Variants in TBC1D5 observed in about 807,000 individuals in gnomAD.
TBC1D5 encodes TBC1 domain family, member 5.
TBC1D5 carries 75 observed loss-of-function variants against 100.3 expected under a neutral mutation model. The ratio of observed to expected loss-of-function variants is 0.75; its 90% CI spans 0.62 to 0.91. The LOEUF (loss-of-function observed/expected upper bound fraction) is 0.91. Among genes scored for constraint, TBC1D5 ranks in the 40% least tolerant of loss-of-function variants. The probability of loss-of-function intolerance (pLI) is 0.00; values close to 1 mark genes in which losing one functional copy is unlikely to be tolerated. For missense variants in TBC1D5, 910 were observed against 942.4 expected (o/e 0.97, Z 0.45); for synonymous variants, 323 against 325.6 (o/e 0.99, Z 0.09).
At chr3:17,634,494 G>C (rs1201835984) in intron 1 of TBC1D5, among the ~76,000 whole-genome samples, 1 of 152,066 alleles carries the variant, frequency 6.6e-6, no homozygotes, top group Non-Finnish European at 1.5e-5. Context: ...AATATCACAT[G>C]TTCTCACTTA....
exon 13 of TBC1D5, chr3:17,372,230 C>A (rs753134504): frequency 6.2e-7 from 1 of 1,608,824 alleles, no homozygotes; most frequent in Non-Finnish European, 8.5e-7. Context: ...GAATGGGAGT[C>A]ATCAGTGTTT....
In TBC1D5 at chr3:17,345,476, G is replaced by T. The variant is rs535370734; in HGVS notation, c.995+26599C>A. 2.3e-3 allele frequency among the ~76,000 whole-genome samples: 345 copies of T among 151,988 alleles called. 1 individual carries two copies. Among genetic ancestry groups the T allele is most frequent in the African/African-American group, 6.8e-3 (280 of 41,412 alleles). On this transcript the variant is annotated intron_variant, in intron 13 of 21. Transcript: ENST00000253692. ...AACACTTTTACACTGTTGGTGGGAC[G>T]GTAAACTAGTTCAACCATTGTGGAA... is the stretch of plus-strand genomic sequence containing the variant.
At chr3:17,373,157 CTT>C (rs1393803127) in intron 12 of TBC1D5, among the ~76,000 whole-genome samples, 1 of 152,162 alleles carries the variant, frequency 6.6e-6, no homozygotes, top group African/African-American at 2.4e-5. Flanking sequence ...AAAAACCACT[CTT>C]AACTCATAAG....
intron 2 of TBC1D5, among the ~76,000 whole-genome samples, chr3:17,591,240 A>T: frequency 9.8e-6 from 1 of 102,478 alleles, no homozygotes; most frequent in Non-Finnish European, 1.8e-5. Context: ...TGTCAAAAAA[A>T]AAAAAAAAAA....
At chr3:17,199,465 T>C (rs1232013848) in intron 18 of TBC1D5, among the ~76,000 whole-genome samples, 1 of 152,212 alleles carries the variant, frequency 6.6e-6, no homozygotes, top group Non-Finnish European at 1.5e-5. Flanking sequence ...TTATGGAATA[T>C]TTTCACATCA....
chr3:17,356,481 C>G (rs1011054157), intron 13 of TBC1D5, among the ~76,000 whole-genome samples: 4 of 152,136 alleles, frequency 2.6e-5, no homozygotes, highest in African/African-American at 9.7e-5. Flanking sequence ...ATATTAGTAG[C>G]TGCTTACTAA....
chr3:17,254,689 T>C (rs2077475064), intron 16 of TBC1D5, among the ~76,000 whole-genome samples: 1 of 150,432 alleles, frequency 6.6e-6, no homozygotes, highest in African/African-American at 2.4e-5. Flanking sequence ...TAAGTTCATT[T>C]TATCTATCTT....
intron 1 of TBC1D5, among the ~76,000 whole-genome samples, chr3:17,709,511 G>T (rs755981314): frequency 2.6e-5 from 4 of 152,106 alleles, no homozygotes; most frequent in Admixed American, 6.5e-5. Flanking sequence ...AGTTCTATGA[G>T]ATAACTTTGT....
At chr3:17,735,621 G>A (rs2076903288) in intron 1 of TBC1D5, among the ~76,000 whole-genome samples, 1 of 152,178 alleles carries the variant, frequency 6.6e-6, no homozygotes, top group African/African-American at 2.4e-5. Flanking sequence ...ATGGGTCACA[G>A]AAGAGAACCA....
At chr3:17,704,959 G>A (rs2073834972) in intron 1 of TBC1D5, among the ~76,000 whole-genome samples, 2 of 113,300 alleles carry the variant, frequency 1.8e-5, no homozygotes, top group Non-Finnish European at 3.8e-5. Flanking sequence ...CTGGGCAGAG[G>A]CGCCCCTCAC....
At chr3:17,632,584 T>G (rs568008353) in intron 1 of TBC1D5, among the ~76,000 whole-genome samples, 27 of 152,266 alleles carry the variant, frequency 1.8e-4, no homozygotes, top group South Asian at 1.0e-3. Context: ...TACGGCAAAT[T>G]GCACTGCTGT....
intron 1 of TBC1D5, among the ~76,000 whole-genome samples, chr3:17,664,468 C>T (rs963278412): frequency 7.2e-5 from 11 of 152,244 alleles, no homozygotes; most frequent in African/African-American, 2.6e-4. Flanking sequence ...AACAGTAACA[C>T]TGAATATTCA....
At chr3:17,214,356 T>C in exon 18 of TBC1D5, 5 of 1,612,750 alleles carry the variant, frequency 3.1e-6, no homozygotes, top group Non-Finnish European at 4.2e-6. Flanking sequence ...GAACTGATGT[T>C]TTTAGAACTT....
chr3:17,732,575 C>T (rs567919926), intron 1 of TBC1D5, among the ~76,000 whole-genome samples: 17 of 151,648 alleles, frequency 1.1e-4, no homozygotes, highest in African/African-American at 4.1e-4. Flanking sequence ...CCCAACTCTA[C>T]TAAAAATACA....
intron 2 of TBC1D5, among the ~76,000 whole-genome samples, chr3:17,550,553 A>T (rs951169929): frequency 6.6e-6 from 1 of 152,062 alleles, no homozygotes; most frequent in Non-Finnish European, 1.5e-5. Flanking sequence ...AACAACAAAA[A>T]AAAAAAACAC....
intron 3 of TBC1D5, among the ~76,000 whole-genome samples, chr3:17,489,207 A>T (rs1301922226): frequency 6.6e-6 from 1 of 152,142 alleles, no homozygotes; most frequent in Non-Finnish European, 1.5e-5. Flanking sequence ...CTAAGCAAGT[A>T]GTAGTTTGCC....
rs139729413 is a variant in TBC1D5, at chr3:17,411,798, G to T, written c.168-5272C>A. 2.5e-3 allele frequency among the ~76,000 whole-genome samples: 382 copies of T among 152,200 alleles called. 2 individuals are homozygous for T. The highest frequency in any genetic ancestry group is 8.4e-3 in the African/African-American group (350 of 41,536). ...TACCTTGATTACGGTGTTGGTATAG[G>T]GAAAAGAAGACTGAGGCATGTGAAT... On this transcript the variant is annotated intron_variant, in intron 4 of 21. Coordinates refer to ENST00000253692, the Ensembl canonical transcript of TBC1D5.
chr3:17,577,145 G>A (rs2096662512), intron 2 of TBC1D5, among the ~76,000 whole-genome samples: 1 of 151,952 alleles, frequency 6.6e-6, no homozygotes, highest in Non-Finnish European at 1.5e-5. Context: ...TACACCTACA[G>A]TAAGCCCTCT....
At chr3:17,382,086 C>A (rs2092968445) in intron 9 of TBC1D5, among the ~76,000 whole-genome samples, 1 of 151,938 alleles carries the variant, frequency 6.6e-6, no homozygotes, top group African/African-American at 2.4e-5. Flanking sequence ...CCCACAAATT[C>A]TATGGTAATT....
Sources: gnomAD v4.1 joint callset for allele counts (sites outside exome capture counted in the v4.1 genomes callset) on GRCh38, gnomAD v4.1.1 for gene constraint, MANE v1.5 for transcripts, NCBI Gene and HGNC (gene_info 2026-07-23, HGNC 2026-07-21) for gene names.